Variants in VPS50 observed in about 807,000 individuals in gnomAD.
The protein encoded by VPS50 is syndetin.
Under a neutral mutation model 139.7 loss-of-function variants are expected in VPS50, and 70 were observed. The observed-to-expected ratio is 0.50, with a 90% CI of 0.41 to 0.61. The LOEUF is 0.61. Among genes scored for constraint, VPS50 ranks in the 20% least tolerant of loss-of-function variants. The pLI is 0.00. For missense variants in VPS50, 921 were observed against 1,133.7 expected (o/e 0.81, Z 2.69); for synonymous variants, 365 against 376.7 (o/e 0.97, Z 0.36).
chr7:93,341,326 G>GC (rs954212495), intron 22 of VPS50, 101 bp from the exon 23 acceptor site: 5 of 704,906 alleles, frequency 7.1e-6, no homozygotes, highest in Non-Finnish European at 1.2e-5. Context: ...ATTAACGTGT[G>GC]CCCCAAGAGT....
intron 27 of VPS50, among the ~76,000 whole-genome samples, chr7:93,357,423 G>A (rs1683683572): frequency 6.6e-6 from 1 of 152,120 alleles, no homozygotes; most frequent in Admixed American, 6.6e-5. Context: ...ACAATGATGA[G>A]TCCAGCGATC....
At chr7:93,331,163 A>G (rs1231950779) in intron 21 of VPS50, among the ~76,000 whole-genome samples, 1 of 152,132 alleles carries the variant, frequency 6.6e-6, no homozygotes, top group Non-Finnish European at 1.5e-5. Context: ...AGAAAACTCA[A>G]TATTGTAAAG....
chr7:93,336,182 C>T (rs923029654), intron 22 of VPS50, among the ~76,000 whole-genome samples: 4 of 152,062 alleles, frequency 2.6e-5, no homozygotes, highest in Non-Finnish European at 5.9e-5. Context: ...TTATATTTCT[C>T]TTGCACGTCA....
Position 93,258,468 on chromosome 7 carries a change from C to T in VPS50, c.576+76C>T, listed in dbSNP as rs542617378. The T allele has an allele frequency of 4.0e-5, 43 of 1,086,328 alleles. No homozygotes were observed. In the South Asian group the frequency reaches 5.5e-4, roughly 14 times the overall value. The allele number at this position is 1,086,328 out of a possible 1,614,324, so 67.3% of individuals were successfully genotyped here. The stretch of plus-strand genomic sequence containing the variant: ...GTAAAGCAGACAAAATTCAGAAGTG[C>T]ATTTTTCTCAAATGGGTTTATGATA... On this transcript the variant is annotated intron_variant, in intron 8 of 27. Coordinates refer to ENST00000305866, the MANE Select transcript of VPS50 (RefSeq NM_017667.4).
intron 9 of VPS50, among the ~76,000 whole-genome samples, chr7:93,267,971 C>T (rs536519529): frequency 6.6e-6 from 1 of 152,240 alleles, no homozygotes; most frequent in Non-Finnish European, 1.5e-5. Flanking sequence ...AGATTTAAAG[C>T]AGGAGATTAA....
At chr7:93,254,029 T>C in intron 4 of VPS50, 98 bp downstream of exon 4, 1 of 575,494 alleles carries the variant, frequency 1.7e-6, no homozygotes, top group Non-Finnish European at 3.1e-6. Flanking sequence ...AACTAACAAT[T>C]AACATAGAAA....
chr7:93,331,279 A>G (rs1316091695), intron 21 of VPS50, among the ~76,000 whole-genome samples: 1 of 150,310 alleles, frequency 6.7e-6, no homozygotes, highest in African/African-American at 2.4e-5. Context: ...TTTAAAATTG[A>G]TACAAAAAGC....
chr7:93,290,301 A>G (rs1796612241), intron 12 of VPS50, among the ~76,000 whole-genome samples: 1 of 151,944 alleles, frequency 6.6e-6, no homozygotes, highest in Non-Finnish European at 1.5e-5. Context: ...GTACTTCTGA[A>G]TCATTGTTAA....
chr7:93,291,130 T>G (rs1359592967), intron 12 of VPS50, among the ~76,000 whole-genome samples: 2 of 152,130 alleles, frequency 1.3e-5, no homozygotes, highest in African/African-American at 2.4e-5. Flanking sequence ...ATTCATGCAC[T>G]TCCATTAAGG....
chr7:93,258,421 G>T (rs1795558173), intron 8 of VPS50, 29 bp downstream of exon 8: 4 of 1,567,746 alleles, frequency 2.6e-6, no homozygotes, highest in Non-Finnish European at 3.5e-6. Context: ...GAAATTTAGG[G>T]TCCTACTGAT....
chr7:93,249,167 A>T (rs1795242616), intron 2 of VPS50, among the ~76,000 whole-genome samples: 1 of 152,062 alleles, frequency 6.6e-6, no homozygotes, highest in African/African-American at 2.4e-5. Context: ...TTTGACATAC[A>T]TATACAGATT....
chr7:93,355,873 TA>T lies in VPS50; in HGVS notation c.2586-17del. ...AATTATCCTATAATGTATTTTTTTT[TA>T]TTGTTTTGCATCTTAGATATGCCAA... On this transcript the variant is annotated splice_polypyrimidine_tract_variant and intron_variant, in intron 26 of 27. Transcript: ENST00000305866. 2 of 1,481,756 alleles carry T rather than the reference TA, an allele frequency of 1.3e-6. No homozygotes were observed. The highest frequency in any genetic ancestry group is 1.9e-5 in the Admixed American group (1 of 51,884). 91.8% of individuals were successfully genotyped at this position (1,481,756 alleles called of 1,614,324 possible). A position where few individuals can be genotyped will look rare whatever the true frequency, so the allele number is the denominator to read the frequency against.
chr7:93,344,675 T>C (rs1474423373), intron 23 of VPS50, among the ~76,000 whole-genome samples: 1 of 151,658 alleles, frequency 6.6e-6, no homozygotes, highest in Non-Finnish European at 1.5e-5. Context: ...GGATTAAGAA[T>C]CTCACTCAAA....
intron 23 of VPS50, among the ~76,000 whole-genome samples, chr7:93,347,766 A>G (rs1798441903): frequency 1.4e-5 from 2 of 144,876 alleles, no homozygotes; most frequent in Non-Finnish European, 3.0e-5. Flanking sequence ...CATAGGTGGG[A>G]ATTGAACAAT....
intron 20 of VPS50, among the ~76,000 whole-genome samples, chr7:93,319,031 C>A (rs924594600): frequency 1.1e-4 from 17 of 152,242 alleles, no homozygotes; most frequent in African/African-American, 3.9e-4. Context: ...AATCCTAGCC[C>A]TGTGAAATCT....
chr7:93,251,517 G>A (rs1795332371), intron 2 of VPS50, among the ~76,000 whole-genome samples: 1 of 151,718 alleles, frequency 6.6e-6, no homozygotes, highest in African/African-American at 2.4e-5. Flanking sequence ...GGGCTTATTG[G>A]GGGGTGGGGG....
intron 25 of VPS50, among the ~76,000 whole-genome samples, chr7:93,351,975 G>T (rs1404490349): frequency 6.6e-6 from 1 of 152,108 alleles, no homozygotes; most frequent in Admixed American, 6.6e-5. Context: ...TTAATTATCT[G>T]TGATAACTTT....
chr7:93,244,186 C>G (rs1196359628), intron 2 of VPS50, among the ~76,000 whole-genome samples: 4 of 151,666 alleles, frequency 2.6e-5, no homozygotes, highest in Admixed American at 2.6e-4. Context: ...TATACTTCAT[C>G]CATTCAACAA....
chr7:93,253,785 C>A, intron 3 of VPS50, 75 bp from the exon 4 acceptor site: 2 of 800,214 alleles, frequency 2.5e-6, no homozygotes, highest in South Asian at 3.2e-5. Context: ...GTTCACTAGT[C>A]AGAAGGGTCC....
Sources: allele counts gnomAD v4.1 joint callset (sites outside exome capture counted in the v4.1 genomes callset), GRCh38; gene constraint gnomAD v4.1.1; transcripts MANE v1.5; gene names NCBI Gene and HGNC (gene_info 2026-07-23, HGNC 2026-07-21).